AFF2: variants seen among roughly 807,000 people sequenced by gnomAD.
AFF2 encodes the protein ALF transcription elongation factor 2, also known as AF4/FMR2 family member 2.
A neutral mutation model predicts 76.9 loss-of-function variants in AFF2; 14 were observed. The observed-to-expected ratio is 0.18, with a 90% CI of 0.12 to 0.28. The LOEUF is 0.28. AFF2 is among the 10% of genes least tolerant of loss of function. The pLI is 1.00. For missense variants in AFF2, 868 were observed against 1,001.1 expected (o/e 0.87, Z 1.79); for synonymous variants, 398 against 366.7 (o/e 1.09, Z -0.98).
Position 148,791,293 on chromosome X carries a change from G to A in AFF2, c.1042-18583G>A, listed in dbSNP as rs151248904. 8.5e-3 allele frequency among the ~76,000 whole-genome samples: 950 copies of A among 111,990 alleles called. 9 individuals carry two copies. The highest frequency in any genetic ancestry group is 0.029 in the African/African-American group (907 of 30,802). On this transcript the variant is annotated intron_variant, in intron 3 of 20. Coordinates refer to ENST00000370460, the MANE Select transcript of AFF2 (RefSeq NM_002025.4). ...AATCATGATGGAAGGTGAATGAGGA[G>A]CAAAGTCACATCTAACATGGTGGCA...
intron 9 of AFF2, among the ~76,000 whole-genome samples, chrX:148,934,662 C>G (rs1249463491): frequency 8.9e-6 from 1 of 112,038 alleles, no homozygotes; most frequent in African/African-American, 3.2e-5. Flanking sequence ...CTTAACGCCT[C>G]TACACCTCAG....
At chrX:148,770,260 G>A (rs2069570496) in intron 3 of AFF2, among the ~76,000 whole-genome samples, 1 of 111,657 alleles carries the variant, frequency 9.0e-6, no homozygotes, top group African/African-American at 3.3e-5. Context: ...ACTCCAGCCA[G>A]TGTTGCTGGG....
At chrX:148,715,529 G>C (rs1211355970) in intron 3 of AFF2, among the ~76,000 whole-genome samples, 1 of 111,212 alleles carries the variant, frequency 9.0e-6, no homozygotes, top group Non-Finnish European at 1.9e-5. Context: ...TTCTAATGAT[G>C]GGGAGCAGAC....
At position 148,962,997 on chromosome X, in the gene AFF2, T is replaced by C. The variant is rs782529278; in HGVS notation, c.2913+60T>C. The C allele has an allele frequency of 3.5e-5, 29 of 828,500 alleles. No homozygotes were observed. In the African/African-American group the frequency reaches 5.3e-4, roughly 15 times the overall value. The allele number at this position is 828,500 out of a possible 1,213,427, so 68.3% of individuals were successfully genotyped here. The stretch of plus-strand genomic sequence containing the variant: ...GTAGAAACAAGTTAACCAGCTCATC[T>C]AACTTGATCATTTGGGGATGTTGCA... On this transcript the variant is annotated intron_variant, in intron 13 of 20. Coordinates refer to ENST00000370460, the MANE Select transcript of AFF2 (RefSeq NM_002025.4).
chrX:148,708,831 C>G (rs1295947334), intron 3 of AFF2, among the ~76,000 whole-genome samples: 1 of 112,441 alleles, frequency 8.9e-6, no homozygotes, highest in East Asian at 2.8e-4. Context: ...GAGTTTACCA[C>G]TTTCTTAGTC....
chrX:148,715,576 A>T (rs781837239), intron 3 of AFF2, among the ~76,000 whole-genome samples: 1 of 111,413 alleles, frequency 9.0e-6, no homozygotes. Flanking sequence ...CAATATGAGG[A>T]TGATAGGGGC....
chrX:148,969,424 T>C (rs1371286363), intron 15 of AFF2, among the ~76,000 whole-genome samples: 1 of 112,375 alleles, frequency 8.9e-6, no homozygotes, highest in African/African-American at 3.2e-5. Context: ...TCCGTATCCA[T>C]AGAAGATTGG....
At chrX:148,670,587 G>A (rs241117) in intron 3 of AFF2, among the ~76,000 whole-genome samples, 19,150 of 110,891 alleles carry the variant, frequency 0.17, 1,253 homozygotes, top group Non-Finnish European at 0.2. Flanking sequence ...TGAATTTGTA[G>A]GCAATGTGGC....
intron 1 of AFF2, among the ~76,000 whole-genome samples, chrX:148,583,022 T>C (rs782718792): frequency 8.9e-6 from 1 of 112,133 alleles, no homozygotes; most frequent in Admixed American, 9.5e-5. Flanking sequence ...ATTGTATGAT[T>C]CCATTTATGT....
rs182411728 is a variant in AFF2, at chrX:148,505,024, C to T, written c.47+3880C>T. On this transcript the variant is annotated intron_variant, in intron 1 of 20. Coordinates refer to ENST00000370460, the MANE Select transcript of AFF2 (RefSeq NM_002025.4). Reference sequence around the variant, plus strand: ...CTGTTTTGAATAAGGCCTAGAGATTCCCAGCATTTCTTGTTCTCTACCTCC... The same window carrying T: ...CTGTTTTGAATAAGGCCTAGAGATTTCCAGCATTTCTTGTTCTCTACCTCC... Among the ~76,000 whole-genome samples, 170 of 110,478 alleles carry T rather than the reference C, an allele frequency of 1.5e-3. 1 individual carries two copies. Among genetic ancestry groups the T allele is most frequent in the Admixed American group, 0.014 (146 of 10,482 alleles).
intron 19 of AFF2, among the ~76,000 whole-genome samples, chrX:148,984,802 A>G (rs1414784595): frequency 9.0e-6 from 1 of 111,540 alleles, no homozygotes; most frequent in Non-Finnish European, 1.9e-5. Context: ...ACTCCTGGAC[A>G]TGATTGGAAA....
At chrX:148,599,971 C>T (rs1457499987) in intron 1 of AFF2, among the ~76,000 whole-genome samples, 1 of 112,081 alleles carries the variant, frequency 8.9e-6, no homozygotes, top group Non-Finnish European at 1.9e-5. Context: ...ACAACTTTCT[C>T]CTTCAATAAA....
chrX:148,702,352 A>G (rs1281417634), intron 3 of AFF2, among the ~76,000 whole-genome samples: 1 of 111,931 alleles, frequency 8.9e-6, no homozygotes, highest in Non-Finnish European at 1.9e-5. Context: ...TTCATTGTTG[A>G]TAACTGGGAA....
intron 3 of AFF2, among the ~76,000 whole-genome samples, chrX:148,673,339 A>G (rs1557259240): frequency 1.8e-5 from 2 of 112,004 alleles, no homozygotes; most frequent in Non-Finnish European, 3.8e-5. Context: ...AAAAGATGCC[A>G]CACTCATTCC....
At chrX:148,717,374 C>T (rs1430904985) in intron 3 of AFF2, among the ~76,000 whole-genome samples, 9 of 99,689 alleles carry the variant, frequency 9.0e-5, no homozygotes, top group Non-Finnish European at 1.6e-4. Flanking sequence ...TCCCTAGAGA[C>T]AGAAAGCAGC....
At chrX:148,621,804 G>T (rs1386471128) in intron 1 of AFF2, among the ~76,000 whole-genome samples, 1 of 111,479 alleles carries the variant, frequency 9.0e-6, no homozygotes, top group Non-Finnish European at 1.9e-5. Context: ...GGAACATATT[G>T]GTGATGCAAT....
At chrX:148,680,363 G>A (rs782723771) in intron 3 of AFF2, among the ~76,000 whole-genome samples, 20 of 112,180 alleles carry the variant, frequency 1.8e-4, no homozygotes, top group Non-Finnish European at 3.6e-4. Context: ...GTGATAACAA[G>A]TTATAAAATC....
chrX:148,572,814 G>C lies in AFF2; in HGVS notation c.47+71670G>C, dbSNP rs187295610. On this transcript the variant is annotated intron_variant, in intron 1 of 20. Coordinates refer to ENST00000370460, the MANE Select transcript of AFF2 (RefSeq NM_002025.4). ...GGTTTATTTTTGAAGTAATAAAAATGTTCTGGAATTAGATAGTGGTGTTTG... is the reference window on the plus strand; with the variant it reads ...GGTTTATTTTTGAAGTAATAAAAATCTTCTGGAATTAGATAGTGGTGTTTG... Among the ~76,000 whole-genome samples the C allele has an allele frequency of 9.0e-5, 10 of 111,381 alleles. No individual in the cohort carries two copies. The Admixed American group carries it at 9.6e-4, about 11-fold the overall frequency.
intron 9 of AFF2, among the ~76,000 whole-genome samples, chrX:148,935,622 G>A: frequency 9.0e-6 from 1 of 111,667 alleles, no homozygotes; most frequent in Non-Finnish European, 1.9e-5. Context: ...TTGGTTTCGT[G>A]TGAAATTGCC....
Sources: gnomAD v4.1 joint callset for allele counts (sites outside exome capture counted in the v4.1 genomes callset) on GRCh38, gnomAD v4.1.1 for gene constraint, MANE v1.5 for transcripts, NCBI Gene and HGNC (gene_info 2026-07-23, HGNC 2026-07-21) for gene names.